Variants in UIMC1 observed in about 807,000 individuals in gnomAD.
UIMC1 encodes the protein BRCA1-A complex subunit RAP80.
UIMC1 carries 42 observed loss-of-function variants against 84.9 expected under a neutral mutation model. That is an observed-to-expected ratio of 0.49 (90% CI 0.39 to 0.64). UIMC1 has a LOEUF of 0.64. Among genes scored for constraint, UIMC1 ranks in the 30% least tolerant of loss-of-function variants. The probability of loss-of-function intolerance (pLI) is 0.00; values close to 1 mark genes in which losing one functional copy is unlikely to be tolerated. For missense variants in UIMC1, 825 were observed against 847.6 expected, an observed-to-expected ratio of 0.97 and a Z score of 0.33; for synonymous variants, 281 against 293.0, an observed-to-expected ratio of 0.96 and a Z score of 0.42.
intron 10 of UIMC1, among the ~76,000 whole-genome samples, chr5:176,941,992 C>G (rs933011405): frequency 6.6e-6 from 1 of 152,002 alleles, no homozygotes; most frequent in African/African-American, 2.4e-5. Context: ...TACAGGAGCC[C>G]GGCACCACGC....
In UIMC1 at chr5:176,907,248, A is replaced by C. The variant is rs1581322964; in HGVS notation, c.1849-71T>G. On this transcript the variant is annotated intron_variant, in intron 12 of 14. Coordinates refer to ENST00000511320, the MANE Select transcript of UIMC1 (RefSeq NM_001199298.2). Reference sequence around the variant, plus strand: ...CTAAAATACAACTTCCACAGCCCAGATCACACGTGTTCATAGAAGAGAAAA... The same window carrying C: ...CTAAAATACAACTTCCACAGCCCAGCTCACACGTGTTCATAGAAGAGAAAA... 22 of 1,409,810 alleles carry C rather than the reference A, an allele frequency of 1.6e-5. No individual in the cohort carries two copies. The East Asian group carries it at 5.0e-4, about 32-fold the overall frequency. The allele number at this position is 1,409,810 out of a possible 1,614,324, so 87.3% of individuals were successfully genotyped here.
At chr5:176,948,092 T>C (rs7735633) in intron 9 of UIMC1, among the ~76,000 whole-genome samples, 14,928 of 152,054 alleles carry the variant, frequency 0.098, 1,535 homozygotes, top group African/African-American at 0.26. Context: ...ACTGAAAAAC[T>C]TAACTGACTA....
intron 10 of UIMC1, among the ~76,000 whole-genome samples, chr5:176,936,937 G>C (rs2149432938): frequency 1.3e-5 from 2 of 152,086 alleles, no homozygotes; most frequent in South Asian, 4.2e-4. Flanking sequence ...CTGTTTTCTT[G>C]TCTGCCTCCC....
intron 6 of UIMC1, among the ~76,000 whole-genome samples, chr5:176,958,920 A>G (rs1039578274): frequency 6.6e-6 from 1 of 152,260 alleles, no homozygotes; most frequent in Non-Finnish European, 1.5e-5. Context: ...ACTTCTGAGG[A>G]AGTGCCTGGG....
At chr5:176,951,631 T>TTA (rs1765891637) in intron 8 of UIMC1, 54 bp from the exon 9 acceptor site, 1 of 1,399,406 alleles carries the variant, frequency 7.1e-7, no homozygotes, top group African/African-American at 1.5e-5. Context: ...GTTTTCATAA[T>TTA]TAAAAAAACA....
chr5:176,998,619 T>C (rs1773988092), intron 1 of UIMC1, among the ~76,000 whole-genome samples: 1 of 151,464 alleles, frequency 6.6e-6, no homozygotes, highest in Admixed American at 6.6e-5. Context: ...AATACAAAAT[T>C]AGCCAGGCGT....
intron 10 of UIMC1, among the ~76,000 whole-genome samples, chr5:176,942,774 G>T (rs1446276155): frequency 1.3e-5 from 2 of 150,410 alleles, no homozygotes; most frequent in Non-Finnish European, 1.5e-5. Flanking sequence ...AAAAGGTTGG[G>T]CCAGGTGCAG....
chr5:176,910,247 C>T (rs1298305575), intron 11 of UIMC1, among the ~76,000 whole-genome samples: 2 of 152,210 alleles, frequency 1.3e-5, no homozygotes, highest in African/African-American at 4.8e-5. Flanking sequence ...GAAGACAGCC[C>T]TGAAACTCAG....
intron 10 of UIMC1, among the ~76,000 whole-genome samples, chr5:176,924,567 AACTG>A (rs1178025943): frequency 6.6e-6 from 1 of 152,180 alleles, no homozygotes; most frequent in African/African-American, 2.4e-5. Flanking sequence ...GTCTTTAATG[AACTG>A]AGTTAGAATA....
At chr5:176,922,170 TTTA>T (rs1761792332) in intron 10 of UIMC1, among the ~76,000 whole-genome samples, 1 of 152,208 alleles carries the variant, frequency 6.6e-6, no homozygotes, top group Admixed American at 6.5e-5. Context: ...TTAAATTGTA[TTTA>T]TTATCTGTTT....
chr5:176,911,089 CA>C (rs776646019), intron 11 of UIMC1, among the ~76,000 whole-genome samples: 60 of 58,528 alleles, frequency 1.0e-3, no homozygotes, highest in Non-Finnish European at 1.2e-3. Context: ...AACTTCATCT[CA>C]AAAAAAAAAA....
At position 176,926,907 on chromosome 5, in the gene UIMC1, T is replaced by TAC. The variant is rs548666367; in HGVS notation, c.1598-15520_1598-15519dup. Among the ~76,000 whole-genome samples, 6 of 152,310 alleles carry TAC rather than the reference T, an allele frequency of 3.9e-5. No individual in the cohort carries two copies. In the South Asian group the frequency reaches 1.2e-3, roughly 32 times the overall value. On this transcript the variant is annotated intron_variant, in intron 10 of 14. Transcript: ENST00000511320. ...CAGGTCTAAGTCTCAGTTCCCACAC[T>TAC]ACCAATTACTAGCTTAATGATTTTG...
At chr5:177,018,941 C>T (rs908373565) in intron 1 of UIMC1, among the ~76,000 whole-genome samples, 8 of 152,158 alleles carry the variant, frequency 5.3e-5, no homozygotes, top group African/African-American at 1.4e-4. Flanking sequence ...GTGGGTTCTG[C>T]GACTTCGACA....
At chr5:177,010,242 A>G (rs190613735), upstream of UIMC1, among the ~76,000 whole-genome samples, 42 of 152,276 alleles carry the variant, frequency 2.8e-4, no homozygotes, top group Middle Eastern at 3.4e-3. Flanking sequence ...ACAGATCTAC[A>G]TGTATCATCA....
chr5:176,984,523 C>T lies in UIMC1; in HGVS notation c.-8-1900G>A, dbSNP rs1490183070. ...GGAGTGAGGAGTGCCTCTGCCTGGC[C>T]GCCCCATCTAGGAGTGAGGAGTGCC... On this transcript the variant is annotated intron_variant, in intron 1 of 14. Transcript: ENST00000511320. 1.6e-4 allele frequency among the ~76,000 whole-genome samples: 23 copies of T among 147,300 alleles called. 1 individual carries two copies. The highest frequency in any genetic ancestry group is 2.5e-4 in the African/African-American group (10 of 39,712).
At chr5:176,935,676 T>C (rs2149431210) in intron 10 of UIMC1, among the ~76,000 whole-genome samples, 1 of 152,280 alleles carries the variant, frequency 6.6e-6, no homozygotes, top group Non-Finnish European at 1.5e-5. Flanking sequence ...AGGGTACAAA[T>C]TACATTTAGG....
intron 1 of UIMC1, among the ~76,000 whole-genome samples, chr5:177,015,062 A>T (rs986222780): frequency 1.3e-5 from 2 of 152,150 alleles, no homozygotes; most frequent in South Asian, 2.1e-4. Context: ...GTGAAACCTC[A>T]TCTCTACTAA....
chr5:176,945,800 T>C (rs1765032358), intron 9 of UIMC1, among the ~76,000 whole-genome samples: 1 of 152,206 alleles, frequency 6.6e-6, no homozygotes, highest in Non-Finnish European at 1.5e-5. Flanking sequence ...TCACGTCCTG[T>C]TTCCATGGAT....
At chr5:176,993,723 A>C (rs1581683370) in intron 1 of UIMC1, among the ~76,000 whole-genome samples, 2 of 152,214 alleles carry the variant, frequency 1.3e-5, no homozygotes, top group East Asian at 1.9e-4. Context: ...ACATACAAAA[A>C]TCTGCCAGGC....
Sources: allele counts gnomAD v4.1 joint callset (sites outside exome capture counted in the v4.1 genomes callset), GRCh38; gene constraint gnomAD v4.1.1; transcripts MANE v1.5; gene names NCBI Gene and HGNC (gene_info 2026-07-23, HGNC 2026-07-21).